TAGAP: variants seen among roughly 807,000 people sequenced by gnomAD.
TAGAP encodes T cell activation RhoGTPase activating protein, also known as T-cell activation Rho GTPase-activating protein.
TAGAP carries 16 observed loss-of-function variants against 36.0 expected under a neutral mutation model. The ratio of observed to expected loss-of-function variants is 0.44; its 90% CI spans 0.30 to 0.68. The LOEUF is 0.68. TAGAP is among the 30% of genes least tolerant of loss of function. TAGAP has a pLI of 0.09. For synonymous variants in TAGAP, 372 were observed against 377.4 expected (o/e 0.99, Z 0.17); for missense variants, 794 against 921.5 (o/e 0.86, Z 1.79).
chr6:159,041,528 G>C lies in TAGAP; in HGVS notation c.316-13C>G, dbSNP rs935641031. On this transcript the variant is annotated splice_polypyrimidine_tract_variant and intron_variant, in intron 5 of 9. Coordinates refer to ENST00000367066, the MANE Select transcript of TAGAP (RefSeq NM_054114.5). The surrounding 1 kb of genome is among the most constrained non-coding windows in gnomAD (Gnocchi z 4.1). Reference sequence around the variant, plus strand: ...TAGTGAGAATGTCCTAAAGGAAACAGCAATAGGAACAGGAAAGGGTTACCC... The same window carrying C: ...TAGTGAGAATGTCCTAAAGGAAACACCAATAGGAACAGGAAAGGGTTACCC... 6.2e-7 allele frequency: 1 copy of C among 1,611,718 alleles called. No individual in the cohort carries two copies. The highest frequency in any genetic ancestry group is 1.3e-5 in the African/African-American group (1 of 74,872).
Position 159,038,245 on chromosome 6 carries a change from G to C in TAGAP, c.784-17C>G. The C allele has an allele frequency of 9.5e-7, 1 of 1,050,546 alleles. No individual in the cohort carries two copies. Among genetic ancestry groups the C allele is most frequent in the Non-Finnish European group, 1.4e-6 (1 of 696,524 alleles). The allele number at this position is 1,050,546 out of a possible 1,614,324, so 65.1% of individuals were successfully genotyped here. On this transcript the variant is annotated splice_polypyrimidine_tract_variant and intron_variant, in intron 8 of 9. Coordinates refer to ENST00000367066, the MANE Select transcript of TAGAP (RefSeq NM_054114.5). Reference sequence around the variant, plus strand: ...TGTCTTCACCTGTGAGGAAAAGTAAGCAATTTGTCAGCTTGAAGACTTTTT... The same window carrying C: ...TGTCTTCACCTGTGAGGAAAAGTAACCAATTTGTCAGCTTGAAGACTTTTT...
rs1304755914 is a variant in TAGAP, at chr6:159,036,681, C to T, written c.1342G>A (p.Gly448Ser). ...ACCAGTGCCCGCGGGAGCACCGAACCCGGGGCCAAGTTCTTGATCTTCAGG... is the reference window on the plus strand; with the variant it reads ...ACCAGTGCCCGCGGGAGCACCGAACTCGGGGCCAAGTTCTTGATCTTCAGG... Reference protein sequence around the residue: ...VDLKIKNLAPGSVLPRALVLK... With the variant: ...VDLKIKNLAPSSVLPRALVLK... The change falls in exon 10 of 10, where the codon GGT becomes AGT. Residue 448 changes from glycine to serine, a missense_variant. Transcript: ENST00000367066. This position sits in a 1 kb window ranked among gnomAD's most constrained non-coding sequence, Gnocchi z 4.9. 6.2e-7 allele frequency: 1 copy of T among 1,613,850 alleles called. No homozygotes were observed. Among genetic ancestry groups the T allele is most frequent in the Admixed American group, 1.7e-5 (1 of 60,008 alleles).
Position 159,040,751 on chromosome 6 carries a change from C to T in TAGAP, c.559G>A (p.Glu187Lys), listed in dbSNP as rs200038955. ...EWMGALEMQD[E>K]EDRIEALKQV... is the part of the protein sequence containing the mutation. Reference sequence around the variant, plus strand: ...TTCAGGGCCTCGATTCTGTCCTCCTCGTCCTGCATCTCCAGAGCACCCATC... The same window carrying T: ...TTCAGGGCCTCGATTCTGTCCTCCTTGTCCTGCATCTCCAGAGCACCCATC... Residue 187 changes from glutamate (E) to lysine (K), a missense_variant, in exon 7 of 10, where the codon GAG (glutamate) becomes AAG (lysine). Glu to Lys is a moderately conservative substitution (Grantham distance 56). Coordinates refer to ENST00000367066, the MANE Select transcript of TAGAP (RefSeq NM_054114.5). 1.2e-5 allele frequency: 19 copies of T among 1,614,134 alleles called. No individual in the cohort carries two copies. The highest frequency in any genetic ancestry group is 1.7e-5 in the Admixed American group (1 of 60,016).
At chr6:159,044,817 G>C in intron 1 of TAGAP, 62 bp downstream of exon 1, 1 of 397,662 alleles carries the variant, frequency 2.5e-6, no homozygotes, top group Non-Finnish European at 4.4e-6. Flanking sequence ...TGTGATCTGA[G>C]TGACCTGTGA....
intron 3 of TAGAP, 39 bp downstream of exon 3, chr6:159,043,939 C>T: frequency 1.3e-6 from 2 of 1,575,602 alleles, no homozygotes; most frequent in South Asian, 2.3e-5. Flanking sequence ...TCCACCTTCT[C>T]ACAGTACAGA....
At chr6:159,038,366 A>T in intron 8 of TAGAP, 138 bp from the exon 9 acceptor site, 1 of 569,874 alleles carries the variant, frequency 1.8e-6, no homozygotes, top group Non-Finnish European at 3.1e-6. Context: ...TGAAAAGAGC[A>T]TACAGAAATT....
rs1176977049 is a variant in TAGAP at position 159,036,952 on chromosome 6, G to A, written c.1071C>T (p.Pro357=). Residue 357 remains proline (P), a synonymous_variant, in exon 10 of 10, where the codon CCC becomes CCT. Coordinates refer to ENST00000367066, the MANE Select transcript of TAGAP (RefSeq NM_054114.5). This position sits in a 1 kb window ranked among gnomAD's most constrained non-coding sequence, Gnocchi z 4.9. The part of the protein sequence containing the change: ...PQDAREVSPE[P]IVSTVARLKS... ...TCAGCCTGGCCACGGTGCTCACAAT[G>A]GGCTCTGGGCTGACCTCTCGGGCAT... 6.2e-7 allele frequency: 1 copy of A among 1,613,434 alleles called. No homozygotes were observed. The highest frequency in any genetic ancestry group is 8.5e-7 in the Non-Finnish European group (1 of 1,179,528).
chr6:159,038,857 T>C, intron 8 of TAGAP: 1 of 1,330,896 alleles, frequency 7.5e-7, no homozygotes, highest in Non-Finnish European at 9.7e-7. Flanking sequence ...AAAAGGGCTT[T>C]TTTATATCGG....
chr6:159,044,089 G>GAGAA (rs778429306), intron 2 of TAGAP, 31 bp downstream of exon 2: 25 of 1,613,808 alleles, frequency 1.5e-5, no homozygotes, highest in Non-Finnish European at 2.0e-5. Context: ...TGTAGGAAAC[G>GAGAA]TGAATGAATG....
At chr6:159,039,442 T>C (rs1029113602) in intron 7 of TAGAP, 133 bp from the exon 8 acceptor site, 49 of 951,048 alleles carry the variant, frequency 5.2e-5, no homozygotes, top group Non-Finnish European at 7.2e-5. Flanking sequence ...TATTGTGAAA[T>C]GCTCATTCAG....
Position 159,038,227 on chromosome 6 carries a change from A to AC in TAGAP, c.784dup (p.Val262GlyfsTer10). On this transcript the variant is annotated frameshift_variant and splice_region_variant, in exon 9 of 10. Transcript: ENST00000367066. LOFTEE classifies it high-confidence loss of function. Reference sequence around the variant, plus strand: ...AATGAGGAATTCCACCAGTGTCTTCACCTGTGAGGAAAAGTAAGCAATTTG... The same window carrying AC: ...AATGAGGAATTCCACCAGTGTCTTCACCCTGTGAGGAAAAGTAAGCAATTTG... 1 of 1,522,762 alleles carries AC rather than the reference A, an allele frequency of 6.6e-7. No individual in the cohort carries two copies. The highest frequency in any genetic ancestry group is 1.1e-5 in the South Asian group (1 of 87,108). The allele number at this position is 1,522,762 out of a possible 1,614,324, so 94.3% of individuals were successfully genotyped here.
In TAGAP at chr6:159,036,280, C is replaced by G; in HGVS notation, c.1743G>C (p.Val581=). The part of the protein sequence containing the change: ...LRPHALSVDD[V]FQGADWERPG... Reference sequence around the variant, plus strand: ...GCCTCTCCCAGTCAGCTCCCTGGAACACATCATCCACCGAGAGGGCGTGGG... The same window carrying G: ...GCCTCTCCCAGTCAGCTCCCTGGAAGACATCATCCACCGAGAGGGCGTGGG... The change falls in exon 10 of 10, where the codon GTG becomes GTC. Residue 581 remains valine (V), a synonymous_variant. Coordinates refer to ENST00000367066, the MANE Select transcript of TAGAP (RefSeq NM_054114.5). The surrounding 1 kb of genome is among the most constrained non-coding windows in gnomAD (Gnocchi z 4.9). The G allele has an allele frequency of 6.2e-7, 1 of 1,612,658 alleles. No individual in the cohort carries two copies. Among genetic ancestry groups the G allele is most frequent in the Non-Finnish European group, 8.5e-7 (1 of 1,179,850 alleles).
chr6:159,036,418 G>C lies in TAGAP; in HGVS notation c.1605C>G (p.Thr535=), dbSNP rs767085150. The change falls in exon 10 of 10, where the codon ACC becomes ACG. Residue 535 remains threonine (T), a synonymous_variant. Coordinates refer to ENST00000367066, the MANE Select transcript of TAGAP (RefSeq NM_054114.5). The surrounding 1 kb of genome is among the most constrained non-coding windows in gnomAD (Gnocchi z 4.9). ...SAGSGKSQDF[T]RDHVPRGVRK... ...TGACACCCCTCGGGACGTGGTCCCT[G>C]GTAAAGTCTTGCGATTTCCCAGAGC... 27 of 1,614,164 alleles carry C rather than the reference G, an allele frequency of 1.7e-5. No homozygotes were observed. Among genetic ancestry groups the C allele is most frequent in the Non-Finnish European group, 2.3e-5 (27 of 1,180,036 alleles).
Position 159,041,905 on chromosome 6 carries a change from G to T in TAGAP, c.315+173C>A. 1.4e-6 allele frequency: 1 copy of T among 720,830 alleles called. No homozygotes were observed. The highest frequency in any genetic ancestry group is 2.3e-6 in the Non-Finnish European group (1 of 433,914). The allele number at this position is 720,830 out of a possible 1,614,324, so 44.7% of individuals were successfully genotyped here. A position where few individuals can be genotyped will look rare whatever the true frequency, so the allele number is the denominator to read the frequency against. On this transcript the variant is annotated intron_variant, in intron 5 of 9. Transcript: ENST00000367066. This position sits in a 1 kb window ranked among gnomAD's most constrained non-coding sequence, Gnocchi z 4.1. ...ACTAATTTCAATTTCTGGAATGGAAGCAGTCAGATATTCTTCTGACTGCAC... is the reference window on the plus strand; with the variant it reads ...ACTAATTTCAATTTCTGGAATGGAATCAGTCAGATATTCTTCTGACTGCAC...
intron 8 of TAGAP, among the ~76,000 whole-genome samples, 165 bp from the exon 9 acceptor site, chr6:159,038,393 CTTT>C (rs34454153): frequency 2.9e-5 from 4 of 137,286 alleles, no homozygotes; most frequent in Non-Finnish European, 3.2e-5. Flanking sequence ...CAATCAGATA[CTTT>C]TTTTTTTTTT....
In TAGAP at chr6:159,041,892, T is replaced by A; in HGVS notation, c.315+186A>T. 1.5e-6 allele frequency: 1 copy of A among 685,504 alleles called. No individual in the cohort carries two copies. Among genetic ancestry groups the A allele is most frequent in the Non-Finnish European group, 2.4e-6 (1 of 408,704 alleles). 42.5% of individuals were successfully genotyped at this position (685,504 alleles called of 1,614,324 possible). ...ATTGGCAAATACAACTAATTTCAAT[T>A]TCTGGAATGGAAGCAGTCAGATATT... On this transcript the variant is annotated intron_variant, in intron 5 of 9. Coordinates refer to ENST00000367066, the MANE Select transcript of TAGAP (RefSeq NM_054114.5). This position sits in a 1 kb window ranked among gnomAD's most constrained non-coding sequence, Gnocchi z 4.1.
intron 7 of TAGAP, among the ~76,000 whole-genome samples, chr6:159,040,005 T>G (rs1489777451): frequency 6.6e-6 from 1 of 152,252 alleles, no homozygotes; most frequent in African/African-American, 2.4e-5. Flanking sequence ...GGGACAGACA[T>G]TTTAATGTCT....
intron 7 of TAGAP, 37 bp from the exon 8 acceptor site, chr6:159,039,346 G>A (rs746691681): frequency 7.5e-6 from 12 of 1,595,822 alleles, no homozygotes; most frequent in Non-Finnish European, 1.0e-5. Context: ...TTTCAAAAAG[G>A]CTAATGGTCT....
chr6:159,040,627 T>C (rs1779714070), intron 7 of TAGAP, 96 bp downstream of exon 7: 1 of 1,001,428 alleles, frequency 1.0e-6, no homozygotes, highest in South Asian at 1.5e-5. Context: ...ACAATTCTCA[T>C]GGAACAGGGA....
Sources: gnomAD v4.1 joint callset for allele counts (sites outside exome capture counted in the v4.1 genomes callset) on GRCh38, gnomAD v4.1.1 for gene constraint, Gnocchi (gnomAD v3.1) non-coding constraint, MANE v1.5 for transcripts, NCBI Gene and HGNC (gene_info 2026-07-23, HGNC 2026-07-21) for gene names.